The following UBOX5 variants were observed in gnomAD, a reference collection of about 807,000 sequenced individuals.
UBOX5 encodes the protein U-box domain containing 5, also known as RING finger protein 37.
A neutral mutation model predicts 39.0 loss-of-function variants in UBOX5; 28 were observed. The observed-to-expected ratio is 0.72, with a 90% CI of 0.53 to 0.98. The LOEUF (loss-of-function observed/expected upper bound fraction) is 0.98, where lower values mean the gene tolerates loss of function less well. Among genes scored for constraint, UBOX5 ranks in the 50% least tolerant of loss-of-function variants. The probability of loss-of-function intolerance (pLI) is 0.00; values close to 1 mark genes in which losing one functional copy is unlikely to be tolerated. For missense variants in UBOX5, 585 were observed against 674.4 expected (o/e 0.87, Z 1.47); for synonymous variants, 283 against 275.5 (o/e 1.03, Z -0.27).
At position 3,108,503 on chromosome 20, in the gene UBOX5, C is replaced by G. The variant is rs1001056442; in HGVS notation, c.*1603G>C. ...GAAAGCCAGGGGCACACAGGAGCCT[C>G]GCCAGCGAGGGCGGCACAGGCCATC... is the stretch of plus-strand genomic sequence containing the variant. On this transcript the variant is annotated 3_prime_UTR_variant, in exon 5 of 5. Transcript: ENST00000217173. The G allele has an allele frequency of 6.6e-6, 1 of 152,436 alleles. No homozygotes were observed. Among genetic ancestry groups the G allele is most frequent in the African/African-American group, 2.4e-5 (1 of 41,476 alleles). The allele number at this position is 152,436 out of a possible 1,614,324, so 9.4% of individuals were successfully genotyped here. A position where few individuals can be genotyped will look rare whatever the true frequency, so the allele number is the denominator to read the frequency against.
intron 1 of UBOX5, among the ~76,000 whole-genome samples, chr20:3,126,992 C>T (rs911354431): frequency 3.2e-5 from 4 of 126,862 alleles, no homozygotes; most frequent in Non-Finnish European, 4.6e-5. Context: ...GCCGAGATTG[C>T]GCTACTGCAC....
chr20:3,151,099 C>G (rs1461082773), intron 1 of UBOX5, among the ~76,000 whole-genome samples: 2 of 152,104 alleles, frequency 1.3e-5, no homozygotes, highest in Non-Finnish European at 1.5e-5. Context: ...GATGGAGTCT[C>G]ACAATGTTGC....
At chr20:3,140,184 G>A (rs1046260919) in intron 1 of UBOX5, among the ~76,000 whole-genome samples, 1 of 151,462 alleles carries the variant, frequency 6.6e-6, no homozygotes, top group African/African-American at 2.4e-5. Context: ...ATCATGCCCA[G>A]CTGATTTTTG....
chr20:3,149,851 C>T lies in UBOX5; in HGVS notation c.-42+9915G>A, dbSNP rs2066606717. 6.6e-6 allele frequency among the ~76,000 whole-genome samples: 1 copy of T among 152,046 alleles called. No individual in the cohort carries two copies. The highest frequency in any genetic ancestry group is 2.1e-4 in the South Asian group (1 of 4,808). On this transcript the variant is annotated intron_variant, in intron 1 of 4. Coordinates refer to ENST00000217173, the MANE Select transcript of UBOX5 (RefSeq NM_014948.4). This position sits in a 1 kb window ranked among gnomAD's most constrained non-coding sequence, Gnocchi z 4.1. The stretch of plus-strand genomic sequence containing the variant: ...TGGCCAACAAGGCGAAATCCCGTCT[C>T]TATTAAAAATACAAAAAATTACCCA...
rs191318721 is a variant in UBOX5 at position 3,118,688 on chromosome 20, C to T, written c.1255+2696G>A. ...TCAGGAGGCTGAGGCAGGAGAATGGCGTGAACCAGGGAGGCGGAGCTGGCA... is the reference window on the plus strand; with the variant it reads ...TCAGGAGGCTGAGGCAGGAGAATGGTGTGAACCAGGGAGGCGGAGCTGGCA... On this transcript the variant is annotated intron_variant, in intron 3 of 4. Coordinates refer to ENST00000217173, the MANE Select transcript of UBOX5 (RefSeq NM_014948.4). Among the ~76,000 whole-genome samples, 121 of 151,938 alleles carry T rather than the reference C, an allele frequency of 8.0e-4. 1 individual carries two copies. In the South Asian group the frequency reaches 0.01, roughly 13 times the overall value.
chr20:3,146,812 C>T (rs762402996), intron 1 of UBOX5: 40 of 1,613,960 alleles, frequency 2.5e-5, no homozygotes, highest in African/African-American at 2.1e-4. Flanking sequence ...CATGAAGAAA[C>T]GCCAACTTTT....
rs758864718 is a variant in UBOX5 at position 3,123,358 on chromosome 20, A to G, written c.8T>C (p.Ile3Thr). Residue 3 changes from isoleucine to threonine, a missense_variant, in exon 2 of 5, where the codon ATA becomes ACA. Transcript: ENST00000217173. Reference sequence around the variant, plus strand: ...TCTGAACTGTGGGAGGCAAAGATTTATTACCATCTTTGTGGCTGAGAGGAT... The same window carrying G: ...TCTGAACTGTGGGAGGCAAAGATTTGTTACCATCTTTGTGGCTGAGAGGAT... MV[I>T]NLCLPQFRPR... 6.2e-7 allele frequency: 1 copy of G among 1,614,094 alleles called. No individual in the cohort carries two copies. The highest frequency in any genetic ancestry group is 2.2e-5 in the East Asian group (1 of 44,886).
chr20:3,143,526 T>C (rs965656274), intron 1 of UBOX5, among the ~76,000 whole-genome samples: 2 of 151,496 alleles, frequency 1.3e-5, no homozygotes, highest in African/African-American at 4.8e-5. Flanking sequence ...CGGGGTACAG[T>C]GGCTCACACC....
intron 1 of UBOX5, among the ~76,000 whole-genome samples, chr20:3,152,266 G>A (rs988431468): frequency 6.6e-6 from 1 of 150,948 alleles, no homozygotes; most frequent in African/African-American, 2.4e-5. Context: ...GGATCTATGA[G>A]GTCAGGCATT....
chr20:3,138,828 T>C (rs1192174475), intron 1 of UBOX5, among the ~76,000 whole-genome samples: 1 of 152,200 alleles, frequency 6.6e-6, no homozygotes, highest in East Asian at 1.9e-4. Context: ...ACCATGACAC[T>C]TTCTGAACAC....
intron 4 of UBOX5, among the ~76,000 whole-genome samples, chr20:3,114,177 G>A (rs180744133): frequency 1.7e-4 from 26 of 152,244 alleles, no homozygotes; most frequent in African/African-American, 5.5e-4. Flanking sequence ...CTGTCAGGGC[G>A]GCAGGATGAG....
intron 1 of UBOX5, among the ~76,000 whole-genome samples, chr20:3,137,932 G>C (rs1458929001): frequency 6.6e-6 from 1 of 152,150 alleles, no homozygotes; most frequent in African/African-American, 2.4e-5. Flanking sequence ...TTTAGTCTTG[G>C]CATTCATGTC....
At chr20:3,144,006 A>G (rs1038299495) in intron 1 of UBOX5, among the ~76,000 whole-genome samples, 3 of 152,160 alleles carry the variant, frequency 2.0e-5, no homozygotes, top group African/African-American at 7.2e-5. Flanking sequence ...TATACACTGA[A>G]AACTATAAAA....
Position 3,109,976 on chromosome 20 carries a change from G to T in UBOX5, c.*130C>A. On this transcript the variant is annotated 3_prime_UTR_variant, in exon 5 of 5. Coordinates refer to ENST00000217173, the MANE Select transcript of UBOX5 (RefSeq NM_014948.4). ...ATGTGCTATACCGTGAGGTGATGAA[G>T]AAGAGCCCCGGGAGGGAGCAGGCAG... 9.3e-7 allele frequency: 1 copy of T among 1,075,546 alleles called. No individual in the cohort carries two copies. Among genetic ancestry groups the T allele is most frequent in the Non-Finnish European group, 1.4e-6 (1 of 737,902 alleles). The allele number at this position is 1,075,546 out of a possible 1,614,324, so 66.6% of individuals were successfully genotyped here.
chr20:3,146,750 G>C (rs768428478), intron 1 of UBOX5: 1 of 1,599,716 alleles, frequency 6.3e-7, no homozygotes, highest in Admixed American at 1.7e-5. Context: ...CTATAGCTTT[G>C]CCATAGAAAT....
intron 1 of UBOX5, chr20:3,146,735 T>C (rs2066566557): frequency 1.9e-6 from 3 of 1,586,172 alleles, no homozygotes; most frequent in East Asian, 2.2e-5. Context: ...TGGTACAGTA[T>C]ACACCTATAG....
chr20:3,115,408 G>A lies in UBOX5; in HGVS notation c.1314C>T (p.Thr438=), dbSNP rs1250390193. ...CCGTGAAGGAGGGCATAGAGCCAAG[G>A]GTGGATGCCAAGGCAATTTCCAAGC... ...SQSLEIALAS[T]LGSMPSFTAR... Residue 438 remains threonine, a synonymous_variant, in exon 4 of 5, where the codon ACC becomes ACT. Transcript: ENST00000217173. The A allele has an allele frequency of 6.2e-7, 1 of 1,614,158 alleles. No individual in the cohort carries two copies. The highest frequency in any genetic ancestry group is 8.5e-7 in the Non-Finnish European group (1 of 1,180,006).
Position 3,148,476 on chromosome 20 carries a change from G to A in UBOX5, c.-42+11290C>T, listed in dbSNP as rs1405711867. Reference sequence around the variant, plus strand: ...ATCAGATCTTGGGTATCAAAGAGCTGTATCTTCTTCACACTCAGCTGGCAG... The same window carrying A: ...ATCAGATCTTGGGTATCAAAGAGCTATATCTTCTTCACACTCAGCTGGCAG... On this transcript the variant is annotated intron_variant, in intron 1 of 4. Transcript: ENST00000217173. 3.1e-6 allele frequency: 5 copies of A among 1,614,020 alleles called. No individual in the cohort carries two copies. In the East Asian group the frequency reaches 8.9e-5, roughly 29 times the overall value.
rs780640748 is a variant in UBOX5 at position 3,122,247 on chromosome 20, A to T, written c.392T>A (p.Phe131Tyr). 6.2e-7 allele frequency: 1 copy of T among 1,614,246 alleles called. No individual in the cohort carries two copies. Among genetic ancestry groups the T allele is most frequent in the Non-Finnish European group, 8.5e-7 (1 of 1,180,036 alleles). The change falls in exon 3 of 5, where the codon TTT becomes TAT. Residue 131 changes from phenylalanine (F) to tyrosine (Y), a missense_variant. By Grantham distance (22) the Phe-to-Tyr change is conservative (BLOSUM62 3). Transcript: ENST00000217173. The stretch of plus-strand genomic sequence containing the variant: ...CCTGGCCTTGAAGCCCCTGTGGCTA[A>T]ACACCACTTGGCTCTGGTTTTTCAG... ...VLLKNQSQVV[F>Y]SHRGFKARPP...
Sources: gnomAD v4.1 joint callset for allele counts (sites outside exome capture counted in the v4.1 genomes callset) on GRCh38, gnomAD v4.1.1 for gene constraint, Gnocchi (gnomAD v3.1) non-coding constraint, MANE v1.5 for transcripts, NCBI Gene and HGNC (gene_info 2026-07-23, HGNC 2026-07-21) for gene names.